Variants in PDZD7 observed in about 807,000 individuals in gnomAD.
PDZD7 encodes the protein PDZ domain containing 7.
Under a neutral mutation model 84.7 loss-of-function variants are expected in PDZD7, and 72 were observed. That is an observed-to-expected ratio of 0.85 (90% CI 0.70 to 1.03). The LOEUF (loss-of-function observed/expected upper bound fraction) is 1.03, where lower values mean the gene tolerates loss of function less well. PDZD7 is among the 50% of genes least tolerant of loss of function. The probability of loss-of-function intolerance (pLI) is 0.00; values close to 1 mark genes in which losing one functional copy is unlikely to be tolerated. For synonymous variants in PDZD7, 594 were observed against 580.7 expected (o/e 1.02, Z -0.33); for missense variants, 1,490 against 1,412.9 (o/e 1.05, Z -0.87).
chr10:101,008,502 C>A lies in PDZD7; in HGVS notation c.3067G>T (p.Asp1023Tyr). 6.5e-7 allele frequency: 1 copy of A among 1,529,528 alleles called. No individual in the cohort carries two copies. The highest frequency in any genetic ancestry group is 1.4e-5 in the African/African-American group (1 of 72,174). The allele number at this position is 1,529,528 out of a possible 1,614,324, so 94.7% of individuals were successfully genotyped here. A position where few individuals can be genotyped will look rare whatever the true frequency, so the allele number is the denominator to read the frequency against. Residue 1023 changes from aspartate (D) to tyrosine (Y), a missense_variant, in exon 17 of 17, where the codon GAT (aspartate) becomes TAT (tyrosine). Physicochemically the swap from Asp to Tyr is radical, Grantham distance 160 (BLOSUM62 -3). Transcript: ENST00000619208. ...PAPSPALQTP[D>Y]SKPAPSPRIP Reference sequence around the variant, plus strand: ...CGTGGGGAGGGTGCGGGCTTAGAATCAGGAGTCTGGAGGGCTGGGGAGGGG... The same window carrying A: ...CGTGGGGAGGGTGCGGGCTTAGAATAAGGAGTCTGGAGGGCTGGGGAGGGG...
chr10:101,010,701 T>G lies in PDZD7; in HGVS notation c.2188A>C (p.Ile730Leu). The change falls in exon 15 of 17, where the codon ATT becomes CTT. Residue 730 changes from isoleucine to leucine, a missense_variant. Coordinates refer to ENST00000619208, the MANE Select transcript of PDZD7 (RefSeq NM_001195263.2). The stretch of plus-strand genomic sequence containing the variant: ...AGCTGGGGAGGGGGTGTGCAGGCAA[T>G]TCGGAGGGGGGTGAAGGCATCTACT... ...VPVDAFTPLRIACTPPPQLPP... is the reference protein window; with the variant it reads ...VPVDAFTPLRLACTPPPQLPP... 1 of 1,228,864 alleles carries G rather than the reference T, an allele frequency of 8.1e-7. No homozygotes were observed. Among genetic ancestry groups the G allele is most frequent in the Non-Finnish European group, 1.1e-6 (1 of 948,778 alleles). The allele number at this position is 1,228,864 out of a possible 1,614,324, so 76.1% of individuals were successfully genotyped here.
intron 2 of PDZD7, among the ~76,000 whole-genome samples, chr10:101,027,854 G>A (rs552723394): frequency 8.8e-4 from 134 of 152,182 alleles, no homozygotes; most frequent in Non-Finnish European, 1.6e-3. Context: ...TTGAATAAGT[G>A]AAAGAATAAA....
At chr10:101,013,605 A>G (rs1852472329) in intron 11 of PDZD7, among the ~76,000 whole-genome samples, 1 of 152,180 alleles carries the variant, frequency 6.6e-6, no homozygotes, top group Admixed American at 6.5e-5. Context: ...GTCCATGAAG[A>G]GCCTCCCTGC....
In PDZD7 at chr10:101,007,809, TA is replaced by T. The variant is rs201110369; in HGVS notation, c.*657del. 1.9e-4 allele frequency: 63 copies of T among 328,226 alleles called. No homozygotes were observed. The highest frequency in any genetic ancestry group is 1.4e-3 in the African/African-American group (59 of 41,812). The allele number at this position is 328,226 out of a possible 1,614,324, so 20.3% of individuals were successfully genotyped here. ...TCTTGTACAAACCCAAAGAAAAAATTAAAAAAAATTTTTTTGTTTAAAAATA... is the reference window on the plus strand; with the variant it reads ...TCTTGTACAAACCCAAAGAAAAAATTAAAAAAATTTTTTTGTTTAAAAATA... On this transcript the variant is annotated 3_prime_UTR_variant, in exon 17 of 17. Transcript: ENST00000619208.
Position 101,008,415 on chromosome 10 carries a change from G to A in PDZD7, c.*52C>T, listed in dbSNP as rs1039708723. The stretch of plus-strand genomic sequence containing the variant: ...TGAAGAAGTTGGTAGGAGAGGTCCT[G>A]GGGATAACGGGATGCTGGAGTCAGT... On this transcript the variant is annotated 3_prime_UTR_variant, in exon 17 of 17. Coordinates refer to ENST00000619208, the MANE Select transcript of PDZD7 (RefSeq NM_001195263.2). The A allele has an allele frequency of 1.4e-6, 2 of 1,456,542 alleles. No individual in the cohort carries two copies. The highest frequency in any genetic ancestry group is 1.4e-5 in the African/African-American group (1 of 71,036). The allele number at this position is 1,456,542 out of a possible 1,614,324, so 90.2% of individuals were successfully genotyped here. A position where few individuals can be genotyped will look rare whatever the true frequency, so the allele number is the denominator to read the frequency against.
chr10:101,019,142 G>T lies in PDZD7; in HGVS notation c.1004C>A (p.Ala335Asp), dbSNP rs1280112144. 1.3e-6 allele frequency: 2 copies of T among 1,544,570 alleles called. No individual in the cohort carries two copies. Among genetic ancestry groups the T allele is most frequent in the East Asian group, 2.4e-5 (1 of 41,812 alleles). The change falls in exon 8 of 17, where the codon GCC (alanine) becomes GAC (aspartate). Residue 335 changes from alanine to aspartate, a missense_variant. By Grantham distance (126) the Ala-to-Asp change is moderately radical. Coordinates refer to ENST00000619208, the MANE Select transcript of PDZD7 (RefSeq NM_001195263.2). ...CGGCAGGGAGCCCGAGCTGTAGGGGGCGCTGGAGGCGCACGAAGAGACGCT... is the reference window on the plus strand; with the variant it reads ...CGGCAGGGAGCCCGAGCTGTAGGGGTCGCTGGAGGCGCACGAAGAGACGCT... ...SSSVSSCASS[A>D]PYSSGSLPSD...
rs752741345 is a variant in PDZD7, at chr10:101,021,813, GATGTGCGTTT to G, written c.842_851del (p.Gln281ProfsTer3). ...TTCTGCCCACCTTGATGGTCAGCATGATGTGCGTTTGGCCCTTCAGCACCTCCACGGCCTG... is the reference window on the plus strand; with the variant it reads ...TTCTGCCCACCTTGATGGTCAGCATGGGCCCTTCAGCACCTCCACGGCCTG... On this transcript the variant is annotated frameshift_variant, in exon 6 of 17. Transcript: ENST00000619208. LOFTEE classifies it high-confidence loss of function. The G allele has an allele frequency of 2.5e-6, 4 of 1,614,170 alleles. No homozygotes were observed. Among genetic ancestry groups the G allele is most frequent in the Non-Finnish European group, 3.4e-6 (4 of 1,180,032 alleles).
chr10:101,029,182 G>C (rs902473101), intron 2 of PDZD7, among the ~76,000 whole-genome samples: 5 of 152,190 alleles, frequency 3.3e-5, no homozygotes, highest in African/African-American at 1.2e-4. Flanking sequence ...CCTCACATCT[G>C]TCACTACAGC....
At position 101,029,988 on chromosome 10, in the gene PDZD7, C is replaced by T. The variant is rs1334101004; in HGVS notation, c.226+6G>A. On this transcript the variant is annotated splice_donor_region_variant and intron_variant, in intron 2 of 16. Transcript: ENST00000619208. ...ACCCAGGCCAGTGGCTGGGTCCCGC[C>T]CCTACCTTCGATGGGGGAGTTGATG... 1.2e-6 allele frequency: 2 copies of T among 1,612,098 alleles called. No homozygotes were observed. Among genetic ancestry groups the T allele is most frequent in the Admixed American group, 3.3e-5 (2 of 60,024 alleles).
At position 101,008,658 on chromosome 10, in the gene PDZD7, C is replaced by T; in HGVS notation, c.2911G>A (p.Ala971Thr). The T allele has an allele frequency of 6.5e-7, 1 of 1,536,024 alleles. No homozygotes were observed. The highest frequency in any genetic ancestry group is 8.7e-7 in the Non-Finnish European group (1 of 1,146,866). The change falls in exon 17 of 17, where the codon GCT becomes ACT. Residue 971 changes from alanine to threonine, a missense_variant. Coordinates refer to ENST00000619208, the MANE Select transcript of PDZD7 (RefSeq NM_001195263.2). Reference protein sequence around the residue: ...SSALTDGGLPADHLPAHQPLD... With the variant: ...SSALTDGGLPTDHLPAHQPLD... ...GGTTGGTGGGCAGGCAAGTGGTCAGCAGGAAGGCCCCCATCAGTAAGGGCT... is the reference window on the plus strand; with the variant it reads ...GGTTGGTGGGCAGGCAAGTGGTCAGTAGGAAGGCCCCCATCAGTAAGGGCT...
intron 16 of PDZD7, 123 bp from the exon 17 acceptor site, chr10:101,008,973 G>A (rs1472966476): frequency 7.9e-7 from 1 of 1,262,222 alleles, no homozygotes; most frequent in African/African-American, 1.5e-5. Context: ...CTGGGTGGAG[G>A]GGATGGACAA....
At position 101,010,539 on chromosome 10, in the gene PDZD7, T is replaced by G. The variant is rs1317671589; in HGVS notation, c.2350A>C (p.Ser784Arg). Residue 784 changes from serine to arginine, a missense_variant, in exon 15 of 17, where the codon AGC becomes CGC. By Grantham distance (110) the Ser-to-Arg change is moderately radical. Transcript: ENST00000619208. ...SRSRSRSRSR[S>R]SRGQGKSPGR... is the part of the protein sequence containing the mutation. ...GGAGACTTGCCTTGACCCCGGCTGCTGCGGCTGCGGCTGCGGCTACGGCTG... is the reference window on the plus strand; with the variant it reads ...GGAGACTTGCCTTGACCCCGGCTGCGGCGGCTGCGGCTGCGGCTACGGCTG... 6.6e-7 allele frequency: 1 copy of G among 1,521,010 alleles called. No homozygotes were observed. 94.2% of individuals were successfully genotyped at this position (1,521,010 alleles called of 1,614,324 possible). A position where few individuals can be genotyped will look rare whatever the true frequency, so the allele number is the denominator to read the frequency against.
chr10:101,016,269 T>A (rs1852621038), intron 10 of PDZD7, 108 bp downstream of exon 10: 1 of 1,166,910 alleles, frequency 8.6e-7, no homozygotes. Context: ...TCCCCCATGC[T>A]TGACCCTGAC....
At chr10:101,017,718 G>T in intron 9 of PDZD7, 1 of 651,284 alleles carries the variant, frequency 1.5e-6, no homozygotes, top group Non-Finnish European at 2.8e-6. Flanking sequence ...CGTGGGAGGC[G>T]CAGGTCGCAG....
At position 101,010,419 on chromosome 10, in the gene PDZD7, G is replaced by C. The variant is rs1001294078; in HGVS notation, c.2470C>G (p.Arg824Gly). Residue 824 changes from arginine (R) to glycine (G), a missense_variant, in exon 15 of 17, where the codon CGA (arginine) becomes GGA (glycine). By Grantham distance (125) the Arg-to-Gly change is moderately radical. Transcript: ENST00000619208. ...TTGGCTGCCTCCCCATCCAGAGGTCGTGGCAGAGGGGGTCTGGCCTTCCGA... is the reference window on the plus strand; with the variant it reads ...TTGGCTGCCTCCCCATCCAGAGGTCCTGGCAGAGGGGGTCTGGCCTTCCGA... ...KPRKARPPLPRPLDGEAAKVG... is the reference protein window; with the variant it reads ...KPRKARPPLPGPLDGEAAKVG... The C allele has an allele frequency of 1.3e-6, 2 of 1,536,142 alleles. No homozygotes were observed. The highest frequency in any genetic ancestry group is 1.7e-6 in the Non-Finnish European group (2 of 1,146,938).
At chr10:101,029,564 G>A (rs999458843) in intron 2 of PDZD7, among the ~76,000 whole-genome samples, 8 of 152,198 alleles carry the variant, frequency 5.3e-5, no homozygotes, top group Admixed American at 2.0e-4. Flanking sequence ...ACTCCTCGCA[G>A]CCCAGCACAG....
At chr10:101,019,631 CT>C (rs1163432290) in intron 7 of PDZD7, among the ~76,000 whole-genome samples, 45 of 132,816 alleles carry the variant, frequency 3.4e-4, no homozygotes, top group Middle Eastern at 4.1e-3. Context: ...TCTTCTTCTT[CT>C]TTTTTTTTTC....
intron 11 of PDZD7, 150 bp downstream of exon 11, chr10:101,015,486 G>A: frequency 1.2e-6 from 1 of 806,664 alleles, no homozygotes; most frequent in Non-Finnish European, 1.9e-6. Context: ...GTGTGTGTGT[G>A]TGTGTGACAG....
intron 2 of PDZD7, 102 bp downstream of exon 2, chr10:101,029,892 A>T (rs1937977193): frequency 6.4e-6 from 8 of 1,255,262 alleles, no homozygotes; most frequent in Admixed American, 4.1e-5. Context: ...CCATCTCTTG[A>T]ATTCCCCCAA....
Sources: gnomAD v4.1 joint callset for allele counts (sites outside exome capture counted in the v4.1 genomes callset) on GRCh38, gnomAD v4.1.1 for gene constraint, MANE v1.5 for transcripts, NCBI Gene and HGNC (gene_info 2026-07-23, HGNC 2026-07-21) for gene names.